Variants in SOX6 observed in about 807,000 individuals in gnomAD.
The protein encoded by SOX6 is transcription factor SOX-6.
SOX6 carries 11 observed loss-of-function variants against 97.8 expected under a neutral mutation model. That is an observed-to-expected ratio of 0.11 (90% confidence interval 0.07 to 0.19). The LOEUF is 0.19. SOX6 is among the 10% of genes least tolerant of loss of function. SOX6 has a pLI of 1.00. For synonymous variants in SOX6, 360 were observed against 371.4 expected (o/e 0.97, Z 0.35); for missense variants, 810 against 1,039.5 (o/e 0.78, Z 3.04).
At chr11:16,547,708 T>C (rs1169012104) in intron 4 of SOX6, among the ~76,000 whole-genome samples, 2 of 152,276 alleles carry the variant, frequency 1.3e-5, no homozygotes, top group East Asian at 1.9e-4. Flanking sequence ...TAAATTCTAA[T>C]GTTTGATAGC....
chr11:16,368,825 T>G (rs1195251413), intron 1 of SOX6, among the ~76,000 whole-genome samples: 1 of 152,142 alleles, frequency 6.6e-6, no homozygotes. Context: ...TTGCAAATCA[T>G]ATATCTAATA....
intron 4 of SOX6, among the ~76,000 whole-genome samples, chr11:16,611,116 G>C (rs1848391927): frequency 6.6e-6 from 1 of 152,236 alleles, no homozygotes; most frequent in Non-Finnish European, 1.5e-5. Flanking sequence ...ATTCGGCTTT[G>C]CTAACTTTGG....
intron 3 of SOX6, among the ~76,000 whole-genome samples, chr11:16,257,362 A>T (rs1853725460): frequency 1.3e-5 from 2 of 151,930 alleles, no homozygotes; most frequent in Admixed American, 1.3e-4. Context: ...AAGAAAAAAA[A>T]TCGTTGAATG....
At chr11:16,289,789 A>G (rs1333275549) in intron 3 of SOX6, among the ~76,000 whole-genome samples, 2 of 151,960 alleles carry the variant, frequency 1.3e-5, no homozygotes, top group Admixed American at 6.6e-5. Flanking sequence ...CCAGAGTAAA[A>G]TGTGGTTTAA....
chr11:16,151,547 T>A (rs1850457958), intron 6 of SOX6, among the ~76,000 whole-genome samples: 1 of 152,176 alleles, frequency 6.6e-6, no homozygotes, highest in African/African-American at 2.4e-5. Flanking sequence ...AAATTTCATG[T>A]CAAATTATTT....
At chr11:16,540,132 C>T (rs1027631002) in intron 4 of SOX6, among the ~76,000 whole-genome samples, 1 of 152,060 alleles carries the variant, frequency 6.6e-6, no homozygotes, top group African/African-American at 2.4e-5. Context: ...ACGATCAGGT[C>T]AGCTTCATCC....
intron 4 of SOX6, among the ~76,000 whole-genome samples, chr11:16,516,079 G>C (rs373012520): frequency 2.7e-5 from 4 of 150,604 alleles, no homozygotes; most frequent in African/African-American, 9.8e-5. Flanking sequence ...TTCCAATTCT[G>C]TGAAGAAAGG....
intron 7 of SOX6, among the ~76,000 whole-genome samples, chr11:16,111,071 C>T (rs1849217118): frequency 6.6e-6 from 1 of 152,210 alleles, no homozygotes; most frequent in South Asian, 2.1e-4. Context: ...ATTTACTTGA[C>T]TATCTTCTTA....
intron 4 of SOX6, among the ~76,000 whole-genome samples, chr11:16,538,706 C>A (rs1861352505): frequency 6.6e-6 from 1 of 152,146 alleles, no homozygotes; most frequent in Admixed American, 6.5e-5. Context: ...TTTAAACCAA[C>A]AAAGATCAAA....
chr11:16,587,129 A>T (rs1393500652), intron 4 of SOX6, among the ~76,000 whole-genome samples: 1 of 152,186 alleles, frequency 6.6e-6, no homozygotes, highest in African/African-American at 2.4e-5. Flanking sequence ...GCTCCTTATT[A>T]TCTGGTCTGT....
At chr11:16,621,689 T>G (rs1224992760) in intron 3 of SOX6, among the ~76,000 whole-genome samples, 1 of 152,198 alleles carries the variant, frequency 6.6e-6, no homozygotes, top group African/African-American at 2.4e-5. Flanking sequence ...CTGCAGAATT[T>G]TTTTCAGGTT....
chr11:16,393,418 C>T (rs1307609114), intron 1 of SOX6, among the ~76,000 whole-genome samples: 1 of 151,940 alleles, frequency 6.6e-6, no homozygotes, highest in African/African-American at 2.4e-5. Flanking sequence ...AAAAAAATAT[C>T]CCTCTACCTA....
chr11:16,261,333 A>G (rs1466515334), intron 3 of SOX6, among the ~76,000 whole-genome samples: 1 of 152,168 alleles, frequency 6.6e-6, no homozygotes, highest in Non-Finnish European at 1.5e-5. Flanking sequence ...CCTTAGAACA[A>G]TCAAATAATA....
At chr11:16,385,532 T>A (rs939119244) in intron 1 of SOX6, among the ~76,000 whole-genome samples, 1 of 152,084 alleles carries the variant, frequency 6.6e-6, no homozygotes, top group Non-Finnish European at 1.5e-5. Context: ...CTTATTTCCA[T>A]CACTTAAAAG....
At chr11:16,298,083 G>T (rs1316429590) in intron 3 of SOX6, among the ~76,000 whole-genome samples, 1 of 152,138 alleles carries the variant, frequency 6.6e-6, no homozygotes, top group Admixed American at 6.5e-5. Flanking sequence ...AATACTGGAT[G>T]CAAACCCTTT....
intron 6 of SOX6, among the ~76,000 whole-genome samples, chr11:16,146,629 C>A (rs1850305793): frequency 6.6e-6 from 1 of 152,090 alleles, no homozygotes. Context: ...TATCCAGAAT[C>A]TACAAAGAAC....
At chr11:16,491,815 A>G (rs1681705467) in intron 4 of SOX6, among the ~76,000 whole-genome samples, 1 of 152,198 alleles carries the variant, frequency 6.6e-6, no homozygotes, top group South Asian at 2.1e-4. Flanking sequence ...TCTCTATCTC[A>G]TATCATACAA....
chr11:16,496,627 GCA>G (rs774512136), intron 4 of SOX6, among the ~76,000 whole-genome samples: 6 of 152,204 alleles, frequency 3.9e-5, no homozygotes, highest in Non-Finnish European at 8.8e-5. Context: ...CCCTAATACT[GCA>G]CTTTTCCAAT....
chr11:16,735,424 T>A (rs563846660), intron 2 of SOX6, among the ~76,000 whole-genome samples: 11 of 152,288 alleles, frequency 7.2e-5, no homozygotes, highest in African/African-American at 2.6e-4. Flanking sequence ...TTCTACAGCA[T>A]TTTATTTGTA....
Sources: gnomAD v4.1 joint callset for allele counts (sites outside exome capture counted in the v4.1 genomes callset) on GRCh38, gnomAD v4.1.1 for gene constraint, MANE v1.5 for transcripts, NCBI Gene and HGNC (gene_info 2026-07-23, HGNC 2026-07-21) for gene names.